The following KDELR1 variants were observed in gnomAD, a reference collection of about 807,000 sequenced individuals.
KDELR1 encodes the protein ER lumen protein-retaining receptor 1.
KDELR1 carries 16 observed loss-of-function variants against 25.5 expected under a neutral mutation model. The observed-to-expected ratio is 0.63, with a 90% CI of 0.43 to 0.95. KDELR1 has a LOEUF of 0.95. KDELR1 is among the 40% of genes least tolerant of loss of function. The pLI is 0.00. For synonymous variants in KDELR1, 121 were observed against 115.0 expected, an observed-to-expected ratio of 1.05 and a Z score of -0.33; for missense variants, 159 against 265.2, an observed-to-expected ratio of 0.60 and a Z score of 2.78.
upstream of KDELR1, among the ~76,000 whole-genome samples, chr19:48,395,656 CCCT>C (rs1428367712): frequency 2.0e-5 from 3 of 151,934 alleles, no homozygotes; most frequent in East Asian, 1.9e-4. Flanking sequence ...ATTTCTGGCA[CCCT>C]CCTCCTCCTC....
upstream of KDELR1, among the ~76,000 whole-genome samples, chr19:48,392,608 T>G (rs1279659918): frequency 6.6e-6 from 1 of 152,108 alleles, no homozygotes; most frequent in East Asian, 1.9e-4. Context: ...TAGGCCCTGA[T>G]TCTCTTCTTT....
upstream of KDELR1, among the ~76,000 whole-genome samples, chr19:48,393,529 GAGGA>G (rs1970587683): frequency 6.6e-6 from 1 of 152,126 alleles, no homozygotes; most frequent in African/African-American, 2.4e-5. This position sits in a 1 kb window ranked among gnomAD's most constrained non-coding sequence, Gnocchi z 5.6. Flanking sequence ...CTTGTCCCAG[GAGGA>G]AGGCAGAGGC....
chr19:48,389,506 C>G (rs1373519391), intron 3 of KDELR1, 47 bp downstream of exon 3: 2 of 1,609,454 alleles, frequency 1.2e-6, no homozygotes. Flanking sequence ...CATAGCTACT[C>G]TGCCACAACC....
At chr19:48,390,627 G>T in intron 1 of KDELR1, 103 bp from the exon 2 acceptor site, 1 of 820,666 alleles carries the variant, frequency 1.2e-6, no homozygotes, top group Non-Finnish European at 2.0e-6. Context: ...GCTGGGGGTG[G>T]GCTGCATGGG....
At chr19:48,392,638 C>T (rs886917105), upstream of KDELR1, among the ~76,000 whole-genome samples, 1 of 152,204 alleles carries the variant, frequency 6.6e-6, no homozygotes, top group Non-Finnish European at 1.5e-5. Flanking sequence ...GTGCACCTCA[C>T]CCTGTTCTCC....
In KDELR1 at chr19:48,384,317, C is replaced by G; in HGVS notation, c.517G>C (p.Glu173Gln). The stretch of plus-strand genomic sequence containing the variant: ...ATGGCGATGAGGTCGAAGAAGCCCT[C>G]GAAATGGTAGCGCCAGATCCAGTTG... ...LFNWIWRYHF[E>Q]GFFDLIAIVA... The change falls in exon 4 of 5, where the codon GAG (glutamate) becomes CAG (glutamine). Residue 173 changes from glutamate (E) to glutamine (Q), a missense_variant. Coordinates refer to ENST00000330720, the MANE Select transcript of KDELR1 (RefSeq NM_006801.3). The surrounding 1 kb of genome is among the most constrained non-coding windows in gnomAD (Gnocchi z 4.6). 6.2e-7 allele frequency: 1 copy of G among 1,614,208 alleles called. No individual in the cohort carries two copies. The highest frequency in any genetic ancestry group is 8.5e-7 in the Non-Finnish European group (1 of 1,180,050).
chr19:48,385,716 C>G (rs1342573363), intron 3 of KDELR1, among the ~76,000 whole-genome samples: 1 of 152,136 alleles, frequency 6.6e-6, no homozygotes, highest in Non-Finnish European at 1.5e-5. Flanking sequence ...CCTTGGTTGT[C>G]TTGGTTTGTG....
chr19:48,397,022 G>C, the KDELR1 span, among the ~76,000 whole-genome samples: 1 of 152,062 alleles, frequency 6.6e-6, no homozygotes, highest in Admixed American at 6.5e-5. Flanking sequence ...TATTCAACAG[G>C]GGGCACAGGA....
At chr19:48,393,672 CGAGT>C (rs375766555), upstream of KDELR1, among the ~76,000 whole-genome samples, 1,165 of 152,124 alleles carry the variant, frequency 7.7e-3, 16 homozygotes, top group African/African-American at 0.026. The surrounding 1 kb of genome is among the most constrained non-coding windows in gnomAD (Gnocchi z 5.6). Context: ...AATCGCATCC[CGAGT>C]GAGTGTGTGT....
upstream of KDELR1, among the ~76,000 whole-genome samples, chr19:48,395,704 C>A (rs1444254059): frequency 6.6e-6 from 1 of 151,938 alleles, no homozygotes; most frequent in Non-Finnish European, 1.5e-5. Flanking sequence ...TGTACAGGAT[C>A]TAAGTGGGGT....
rs756034824 is a variant in KDELR1 at position 48,384,204 on chromosome 19, T to C, written c.604+26A>G. On this transcript the variant is annotated intron_variant, in intron 4 of 4. Transcript: ENST00000330720. The surrounding 1 kb of genome is among the most constrained non-coding windows in gnomAD (Gnocchi z 4.6). ...GGAGCTGCAGAAATAGGAGGTTCCC[T>C]TCCAGCCGTCCCACATTCCAGCTAC... 3.1e-6 allele frequency: 5 copies of C among 1,611,578 alleles called. No homozygotes were observed. The highest frequency in any genetic ancestry group is 4.2e-6 in the Non-Finnish European group (5 of 1,177,878).
chr19:48,390,743 C>A, intron 1 of KDELR1: 1 of 543,930 alleles, frequency 1.8e-6, no homozygotes, highest in African/African-American at 1.9e-5. Flanking sequence ...GGCCCTTTCC[C>A]ACGGACCACA....
Position 48,384,271 on chromosome 19 carries a change from G to C in KDELR1, c.563C>G (p.Thr188Arg). Residue 188 changes from threonine (T) to arginine (R), a missense_variant, in exon 4 of 5, where the codon ACA becomes AGA. Thr to Arg is a moderately conservative substitution (Grantham distance 71). Transcript: ENST00000330720. The surrounding 1 kb of genome is among the most constrained non-coding windows in gnomAD (Gnocchi z 4.6). ...LIAIVAGLVQ[T>R]VLYCDFFYLY... ...GTAGAAGAAATCGCAGTAGAGGACT[G>C]TCTGGACCAGGCCTGCCACAATGGC... 6.2e-7 allele frequency: 1 copy of C among 1,614,236 alleles called. No homozygotes were observed. Among genetic ancestry groups the C allele is most frequent in the Non-Finnish European group, 8.5e-7 (1 of 1,180,050 alleles).
chr19:48,391,369 C>A lies in KDELR1; in HGVS notation c.-11G>T, dbSNP rs764705183. On this transcript the variant is annotated 5_prime_UTR_variant, in exon 1 of 5. Transcript: ENST00000330720. Reference sequence around the variant, plus strand: ...TCGGAAGAGATTCATGGCTGGGGAACCCTGGCAGGGCTGAGCGGGAGGGAG... The same window carrying A: ...TCGGAAGAGATTCATGGCTGGGGAAACCTGGCAGGGCTGAGCGGGAGGGAG... The A allele has an allele frequency of 5.2e-6, 8 of 1,550,660 alleles. No individual in the cohort carries two copies. The Admixed American group carries it at 7.8e-5, about 15-fold the overall frequency.
At chr19:48,390,857 G>A (rs1376047642) in intron 1 of KDELR1, 2 of 428,464 alleles carry the variant, frequency 4.7e-6, no homozygotes, top group African/African-American at 4.0e-5. Flanking sequence ...CCGCAGTCTG[G>A]ACCTGAGGTG....
upstream of KDELR1, chr19:48,394,785 C>T (rs1970616582): frequency 1.3e-5 from 2 of 155,648 alleles, no homozygotes; most frequent in Middle Eastern, 2.8e-3. The surrounding 1 kb of genome is among the most constrained non-coding windows in gnomAD (Gnocchi z 5.1). Context: ...GTCCGGGCTG[C>T]CGCTGCTGCC....
chr19:48,386,474 G>T (rs7409291), intron 3 of KDELR1, among the ~76,000 whole-genome samples: 16 of 132,152 alleles, frequency 1.2e-4, no homozygotes, highest in African/African-American at 4.2e-4. Flanking sequence ...TTGAGATGGC[G>T]TCTTGCTCTG....
upstream of KDELR1, among the ~76,000 whole-genome samples, chr19:48,392,648 C>T (rs191663229): frequency 1.1e-4 from 16 of 152,294 alleles, no homozygotes; most frequent in Admixed American, 9.1e-4. Context: ...CCCTGTTCTC[C>T]CAGACCTTGA....
chr19:48,393,740 G>C (rs972691204), upstream of KDELR1, among the ~76,000 whole-genome samples: 1 of 151,920 alleles, frequency 6.6e-6, no homozygotes, highest in African/African-American at 2.4e-5. The surrounding 1 kb of genome is among the most constrained non-coding windows in gnomAD (Gnocchi z 5.6). Flanking sequence ...CCTCCAAGCC[G>C]CGGCCGCCGC....
Sources: allele counts gnomAD v4.1 joint callset (sites outside exome capture counted in the v4.1 genomes callset), GRCh38; gene constraint gnomAD v4.1.1; non-coding constraint Gnocchi (gnomAD v3.1); transcripts MANE v1.5; gene names NCBI Gene and HGNC (gene_info 2026-07-23, HGNC 2026-07-21).